The following RABGGTB variants were observed in gnomAD, a reference collection of about 807,000 sequenced individuals.
RABGGTB encodes geranylgeranyl transferase type-2 subunit beta.
In RABGGTB, 20 loss-of-function variants were observed where a neutral mutation model predicts 44.5. The observed-to-expected ratio is 0.45, with a 90% CI of 0.32 to 0.65. RABGGTB has a LOEUF of 0.65. Ranked by LOEUF, RABGGTB falls within the 30% of genes least tolerant of loss-of-function variation. The pLI, the probability that RABGGTB is intolerant of heterozygous loss-of-function variation, is 0.05. For missense variants in RABGGTB, 302 were observed against 398.7 expected (o/e 0.76, Z 2.06); for synonymous variants, 128 against 136.7 (o/e 0.94, Z 0.44).
Position 75,789,349 on chromosome 1 carries a change from C to T in RABGGTB, c.302C>T (p.Ala101Val). ...CCTCATCTTTTATACACTCTTAGTGCTGTCCAGGTAAATACTAATCAAAAT... is the reference window on the plus strand; with the variant it reads ...CCTCATCTTTTATACACTCTTAGTGTTGTCCAGGTAAATACTAATCAAAAT... ...HDPHLLYTLS[A>V]VQILTLYDSI... The change falls in exon 3 of 9, where the codon GCT becomes GTT. Residue 101 changes from alanine to valine, a missense_variant. Ala to Val is a moderately conservative substitution (Grantham distance 64). This residue lies in a region of RABGGTB where 213 missense variants were observed against 323.7 expected (regional missense o/e 0.66). Transcript: ENST00000319942. The T allele has an allele frequency of 6.2e-7, 1 of 1,613,274 alleles. No homozygotes were observed.
chr1:75,790,510 A>G lies in RABGGTB; in HGVS notation c.415+453A>G, dbSNP rs1649620505. 3.0e-6 allele frequency: 3 copies of G among 1,005,322 alleles called. No individual in the cohort carries two copies. In the South Asian group the frequency reaches 1.4e-4, roughly 47 times the overall value. The allele number at this position is 1,005,322 out of a possible 1,614,324, so 62.3% of individuals were successfully genotyped here. ...TGGGATGTGAAAAATCTACTTTTAT[A>G]AAGTAGGGTAAGTTTATTTCATTAT... On this transcript the variant is annotated intron_variant, in intron 4 of 8. Transcript: ENST00000319942.
chr1:75,786,288 T>C lies in RABGGTB; in HGVS notation c.3+14T>C. 1.9e-6 allele frequency: 3 copies of C among 1,614,196 alleles called. No individual in the cohort carries two copies. Among genetic ancestry groups the C allele is most frequent in the Non-Finnish European group, 2.5e-6 (3 of 1,180,008 alleles). ...CTGTTAGACATGGTAAGTGTGAGTT[T>C]AGCGCTGCTGTCCGGATGGGTTGGT... On this transcript the variant is annotated intron_variant, in intron 1 of 8. Coordinates refer to ENST00000319942, the MANE Select transcript of RABGGTB (RefSeq NM_004582.4).
chr1:75,794,504 A>T lies in RABGGTB; in HGVS notation c.856-6A>T, dbSNP rs750133441. 1 of 1,606,046 alleles carries T rather than the reference A, an allele frequency of 6.2e-7. No individual in the cohort carries two copies. Among genetic ancestry groups the T allele is most frequent in the South Asian group, 1.1e-5 (1 of 89,502 alleles). On this transcript the variant is annotated splice_region_variant and splice_polypyrimidine_tract_variant and intron_variant, in intron 8 of 8. Transcript: ENST00000319942. ...GTGATCTGTATATAAATTCTTTTTT[A>T]AATAGGTGGATCCTTTTCATACCTT...
intron 7 of RABGGTB, chr1:75,793,346 C>G (rs1325573928): frequency 6.8e-6 from 1 of 147,656 alleles, no homozygotes; most frequent in Non-Finnish European, 1.5e-5. Flanking sequence ...ATCTACCCGC[C>G]TCAACCTCCC....
chr1:75,794,328 C>G, intron 8 of RABGGTB, 95 bp downstream of exon 8: 2 of 1,427,736 alleles, frequency 1.4e-6, no homozygotes, highest in East Asian at 2.3e-5. Context: ...CCGAGTGTTG[C>G]TTTGAAAGCA....
At chr1:75,788,196 A>G in intron 2 of RABGGTB, 1 of 248,322 alleles carries the variant, frequency 4.0e-6, no homozygotes, top group South Asian at 4.8e-5. Flanking sequence ...CATGGAGTTA[A>G]GGCCATATGG....
intron 1 of RABGGTB, 75 bp from the exon 2 acceptor site, chr1:75,787,422 T>C (rs568486010): frequency 3.7e-6 from 4 of 1,076,678 alleles, no homozygotes; most frequent in East Asian, 4.8e-5. Context: ...TTGAGATGTA[T>C]GTTGAATCTA....
intron 7 of RABGGTB, among the ~76,000 whole-genome samples, chr1:75,792,690 C>G (rs1038167952): frequency 5.3e-5 from 8 of 152,180 alleles, no homozygotes; most frequent in African/African-American, 1.9e-4. Context: ...TAATAGGTCT[C>G]TCTTATCAGG....
Position 75,792,186 on chromosome 1 carries a change from T to C in RABGGTB, c.585T>C (p.Tyr195=). The C allele has an allele frequency of 6.2e-7, 1 of 1,604,994 alleles. No individual in the cohort carries two copies. Among genetic ancestry groups the C allele is most frequent in the Non-Finnish European group, 8.5e-7 (1 of 1,171,686 alleles). Residue 195 remains tyrosine, a synonymous_variant, in exon 7 of 9, where the codon TAT becomes TAC. Transcript: ENST00000319942. ...CTTTATGTCTGTAATTTTAGATCTA[T>C]TGTTGCACAGGATTTCTGGCAATTA... ...PGSESHAGQI[Y]CCTGFLAITS... is the part of the protein sequence containing the mutation.
At chr1:75,794,463 A>C (rs1394162619) in intron 8 of RABGGTB, 47 bp from the exon 9 acceptor site, 1 of 1,553,374 alleles carries the variant, frequency 6.4e-7, no homozygotes, top group East Asian at 2.3e-5. Flanking sequence ...TTTGAAGTTA[A>C]AGAAGTTTTC....
chr1:75,791,700 A>T (rs1039325447), intron 6 of RABGGTB, 129 bp downstream of exon 6: 2 of 758,970 alleles, frequency 2.6e-6, no homozygotes, highest in African/African-American at 1.8e-5. Flanking sequence ...GGCATCTTAC[A>T]TAAGAATTGC....
rs1207176426 is a variant in RABGGTB at position 75,790,994 on chromosome 1, T to TG, written c.416-290dup. Among the ~76,000 whole-genome samples, 6 of 152,304 alleles carry TG rather than the reference T, an allele frequency of 3.9e-5. No homozygotes were observed. In the East Asian group the frequency reaches 1.2e-3, roughly 29 times the overall value. On this transcript the variant is annotated intron_variant, in intron 4 of 8. Transcript: ENST00000319942. ...TTGTAGAGATGGGGTCCCATTATGT[T>TG]GCCTCGGCTAGTCTCAAACTCCTAG...
intron 7 of RABGGTB, 109 bp from the exon 8 acceptor site, chr1:75,793,975 A>C: frequency 2.6e-6 from 3 of 1,138,918 alleles, no homozygotes; most frequent in Non-Finnish European, 2.4e-6. Context: ...ATGGTTTGAC[A>C]CTTTGAACAT....
chr1:75,788,901 A>T lies in RABGGTB; in HGVS notation c.112-258A>T, dbSNP rs1011328572. ...TGTCTCTGGCTCATGGGAGAAACTA[A>T]AGCACTGTTTGTATTGTCAGCCATA... On this transcript the variant is annotated intron_variant, in intron 2 of 8. Coordinates refer to ENST00000319942, the MANE Select transcript of RABGGTB (RefSeq NM_004582.4). 2.1e-5 allele frequency: 10 copies of T among 481,806 alleles called. No homozygotes were observed. In the East Asian group the frequency reaches 3.5e-4, roughly 17 times the overall value. 29.8% of individuals were successfully genotyped at this position (481,806 alleles called of 1,614,324 possible).
In RABGGTB at chr1:75,794,232, T is replaced by C; in HGVS notation, c.854T>C (p.Met285Thr). Residue 285 changes from methionine (M) to threonine (T), a missense_variant and splice_region_variant, in exon 8 of 9, where the codon ATG becomes ACG. Transcript: ENST00000319942. ...GGATTTGCAGACAGGCCAGGAGATA[T>C]GGCAAGTAATATTTCTGACATATTT... is the stretch of plus-strand genomic sequence containing the variant. ...TGGFADRPGD[M>T]VDPFHTLFGI... is the part of the protein sequence containing the mutation. The C allele has an allele frequency of 1.2e-6, 2 of 1,601,214 alleles. No individual in the cohort carries two copies. Among genetic ancestry groups the C allele is most frequent in the Non-Finnish European group, 1.7e-6 (2 of 1,173,410 alleles).
At chr1:75,792,137 T>A (rs766823600) in intron 6 of RABGGTB, 44 bp from the exon 7 acceptor site, 2 of 1,527,914 alleles carry the variant, frequency 1.3e-6, no homozygotes, top group South Asian at 2.3e-5. Flanking sequence ...ACTTTTAATG[T>A]CAAGAAATTA....
chr1:75,794,074 T>TC lies in RABGGTB; in HGVS notation c.706-7dup. 1 of 1,545,492 alleles carries TC rather than the reference T, an allele frequency of 6.5e-7. No individual in the cohort carries two copies. Among genetic ancestry groups the TC allele is most frequent in the Non-Finnish European group, 8.7e-7 (1 of 1,143,718 alleles). ...GAGAATGAAATTGTGGCAACTTTTT[T>TC]CCCTCCTAGTTACCAGATGTATGCT... On this transcript the variant is annotated splice_polypyrimidine_tract_variant and intron_variant, in intron 7 of 8. Coordinates refer to ENST00000319942, the MANE Select transcript of RABGGTB (RefSeq NM_004582.4).
At chr1:75,794,258 CTA>C (rs1649716976) in intron 8 of RABGGTB, 25 bp downstream of exon 8, 1 of 1,576,050 alleles carries the variant, frequency 6.3e-7, no homozygotes, top group African/African-American at 1.4e-5. Context: ...TGACATATTT[CTA>C]TAAATTATTT....
chr1:75,794,885 CTG>C lies in RABGGTB; in HGVS notation c.*237_*238del. 2 of 216,366 alleles carry C rather than the reference CTG, an allele frequency of 9.2e-6. No homozygotes were observed. Among genetic ancestry groups the C allele is most frequent in the Non-Finnish European group, 1.8e-5 (2 of 113,222 alleles). The allele number at this position is 216,366 out of a possible 1,614,324, so 13.4% of individuals were successfully genotyped here. On this transcript the variant is annotated 3_prime_UTR_variant, in exon 9 of 9. Coordinates refer to ENST00000319942, the MANE Select transcript of RABGGTB (RefSeq NM_004582.4). Reference sequence around the variant, plus strand: ...CAGTTCTTTGTGTATACTTCTGTGTCTGTTATGTTCAATAACTGAGCTAACAT... The same window carrying C: ...CAGTTCTTTGTGTATACTTCTGTGTCTTATGTTCAATAACTGAGCTAACAT...
Sources: gnomAD v4.1 joint callset for allele counts (sites outside exome capture counted in the v4.1 genomes callset) on GRCh38, gnomAD v4.1.1 for gene constraint, gnomAD v4.1.1 regional missense constraint, MANE v1.5 for transcripts, NCBI Gene and HGNC (gene_info 2026-07-23, HGNC 2026-07-21) for gene names.